The following TYRO3 variants were observed in gnomAD, a reference collection of about 807,000 sequenced individuals.
The protein encoded by TYRO3 is TYRO3 protein tyrosine kinase, also known as tyrosine-protein kinase receptor TYRO3.
A neutral mutation model predicts 95.2 loss-of-function variants in TYRO3; 38 were observed. That is an observed-to-expected ratio of 0.40 (90% confidence interval 0.31 to 0.52). TYRO3 has a LOEUF of 0.52. Ranked by LOEUF, TYRO3 falls within the 20% of genes least tolerant of loss-of-function variation. The pLI is 0.56. For synonymous variants in TYRO3, 367 were observed against 432.9 expected (o/e 0.85, Z 1.89); for missense variants, 812 against 1,116.4 (o/e 0.73, Z 3.89).
rs1447233905 is a variant in TYRO3, at chr15:41,582,026, C to T, written c.*3750C>T. The T allele has an allele frequency of 6.6e-6, 1 of 152,264 alleles. No individual in the cohort carries two copies. The highest frequency in any genetic ancestry group is 1.5e-5 in the Non-Finnish European group (1 of 68,096). 9.4% of individuals were successfully genotyped at this position (152,264 alleles called of 1,614,324 possible). A position where few individuals can be genotyped will look rare whatever the true frequency, so the allele number is the denominator to read the frequency against. The stretch of plus-strand genomic sequence containing the variant: ...CAGAAGCAACCCTTGGGACCTGCCT[C>T]AATCTCTGCCTCCTCCCTACTCCCC... On this transcript the variant is annotated 3_prime_UTR_variant, in exon 19 of 19. Transcript: ENST00000263798.
intron 4 of TYRO3, among the ~76,000 whole-genome samples, chr15:41,563,153 T>C (rs1595499587): frequency 1.3e-5 from 2 of 151,166 alleles, no homozygotes. Context: ...AGAGAAGGGG[T>C]AGGGGGAGGT....
In TYRO3 at chr15:41,579,036, C is replaced by T. The variant is rs189715522; in HGVS notation, c.*760C>T. The T allele has an allele frequency of 6.5e-6, 1 of 152,736 alleles. No homozygotes were observed. Among genetic ancestry groups the T allele is most frequent in the East Asian group, 1.9e-4 (1 of 5,186 alleles). The allele number at this position is 152,736 out of a possible 1,614,324, so 9.5% of individuals were successfully genotyped here. A position where few individuals can be genotyped will look rare whatever the true frequency, so the allele number is the denominator to read the frequency against. On this transcript the variant is annotated 3_prime_UTR_variant, in exon 19 of 19. Coordinates refer to ENST00000263798, the MANE Select transcript of TYRO3 (RefSeq NM_006293.4). Reference sequence around the variant, plus strand: ...GGAGTTCAGGAACCCTTCTCCATACCCACAATCTGAGCACGCTACCAAATC... The same window carrying T: ...GGAGTTCAGGAACCCTTCTCCATACTCACAATCTGAGCACGCTACCAAATC...
In TYRO3 at chr15:41,570,064, A is replaced by T. The variant is rs1296340727; in HGVS notation, c.1290A>T (p.Val430=). ...CTCCTCACAGCCGCACATCCTGGGT[A>T]CCTGTGGTCCTTGGTGTGCTAACGG... ...QGPPHSRTSW[V]PVVLGVLTAL... Residue 430 remains valine (V), a synonymous_variant, in exon 10 of 19, where the codon GTA becomes GTT. Transcript: ENST00000263798. 11 of 1,613,748 alleles carry T rather than the reference A, an allele frequency of 6.8e-6. No individual in the cohort carries two copies. The highest frequency in any genetic ancestry group is 8.5e-6 in the Non-Finnish European group (10 of 1,180,032).
At chr15:41,565,169 G>C (rs748024114) in intron 6 of TYRO3, 28 bp downstream of exon 6, 3 of 1,430,700 alleles carry the variant, frequency 2.1e-6, no homozygotes, top group Admixed American at 1.7e-5. Context: ...GGCCATGCTC[G>C]TTCTGGCTGC....
chr15:41,559,308 G>A lies in TYRO3; in HGVS notation c.51G>A (p.Leu17=), dbSNP rs1413900647. ...GGCCGGGGCTCCCGCCGCTGCCGCT[G>A]CCGCCGCCACCGCGGCTCGGGCTGC... ...MGRPGLPPLP[L]PPPPRLGLLL... The change falls in exon 1 of 19, where the codon CTG becomes CTA. Residue 17 remains leucine (L), a synonymous_variant. Transcript: ENST00000263798. The A allele has an allele frequency of 3.1e-6, 2 of 645,926 alleles. No individual in the cohort carries two copies. The highest frequency in any genetic ancestry group is 8.8e-5 in the East Asian group (2 of 22,770). 40.0% of individuals were successfully genotyped at this position (645,926 alleles called of 1,614,324 possible). A position where few individuals can be genotyped will look rare whatever the true frequency, so the allele number is the denominator to read the frequency against.
Position 41,578,743 on chromosome 15 carries a change from AAG to A in TYRO3, c.*471_*472del, listed in dbSNP as rs1283138720. On this transcript the variant is annotated 3_prime_UTR_variant, in exon 19 of 19. Coordinates refer to ENST00000263798, the MANE Select transcript of TYRO3 (RefSeq NM_006293.4). ...TCCAGGTGTGCCCCTCCAAGTCACA[AAG>A]AGATGTCCTTGTAATATTCCCTTTT... The A allele has an allele frequency of 5.3e-6, 1 of 189,300 alleles. No homozygotes were observed. The highest frequency in any genetic ancestry group is 1.1e-5 in the Non-Finnish European group (1 of 92,736). 11.7% of individuals were successfully genotyped at this position (189,300 alleles called of 1,614,324 possible).
chr15:41,572,692 G>C (rs1181111027), intron 15 of TYRO3, 128 bp downstream of exon 15: 1 of 1,229,718 alleles, frequency 8.1e-7, no homozygotes, highest in Admixed American at 2.5e-5. Flanking sequence ...AGTAGGAGGG[G>C]TCTGAGTTTG....
chr15:41,568,967 AGTT>A lies in TYRO3; in HGVS notation c.1199_1201del (p.Val400del). 6.2e-7 allele frequency: 1 copy of A among 1,614,138 alleles called. No homozygotes were observed. Among genetic ancestry groups the A allele is most frequent in the Non-Finnish European group, 8.5e-7 (1 of 1,180,026 alleles). ...TCGTACGTGTGTGCGTCTCCAATGC[AGTT>A]GGCTGTGGACCCTGGAGTCAGCCAC... On this transcript the variant is annotated inframe_deletion, in exon 9 of 19. Transcript: ENST00000263798.
chr15:41,575,659 C>T (rs891320279), intron 18 of TYRO3, among the ~76,000 whole-genome samples: 1 of 152,160 alleles, frequency 6.6e-6, no homozygotes, highest in Non-Finnish European at 1.5e-5. Flanking sequence ...TTGTCATGGG[C>T]ATAGGCAAGA....
chr15:41,565,157 C>T lies in TYRO3; in HGVS notation c.783+16C>T, dbSNP rs753929704. On this transcript the variant is annotated intron_variant, in intron 6 of 18. Coordinates refer to ENST00000263798, the MANE Select transcript of TYRO3 (RefSeq NM_006293.4). The stretch of plus-strand genomic sequence containing the variant: ...TACAGTTCAGGTAGGCTCTCCGGGC[C>T]GGGCCATGCTCGTTCTGGCTGCATG... 38 of 1,441,272 alleles carry T rather than the reference C, an allele frequency of 2.6e-5. 1 individual carries two copies. The highest frequency in any genetic ancestry group is 2.0e-4 in the South Asian group (18 of 88,328). The allele number at this position is 1,441,272 out of a possible 1,614,324, so 89.3% of individuals were successfully genotyped here.
intron 8 of TYRO3, 145 bp downstream of exon 8, chr15:41,568,507 T>G: frequency 1.3e-6 from 1 of 781,770 alleles, no homozygotes; most frequent in African/African-American, 1.8e-5. Flanking sequence ...CACCCTCCTC[T>G]GCAAGCTCCA....
intron 18 of TYRO3, among the ~76,000 whole-genome samples, chr15:41,574,257 T>C (rs977709338): frequency 6.6e-6 from 1 of 152,136 alleles, no homozygotes; most frequent in Non-Finnish European, 1.5e-5. Context: ...TAGGCTGAGC[T>C]CTCTTGGGAA....
chr15:41,572,344 C>T (rs2055806902), intron 14 of TYRO3, 99 bp from the exon 15 acceptor site: 3 of 1,490,058 alleles, frequency 2.0e-6, no homozygotes, highest in Non-Finnish European at 2.7e-6. Flanking sequence ...ATAGCAGAGC[C>T]AGAGCTAGAG....
chr15:41,572,383 A>G, intron 14 of TYRO3, 60 bp from the exon 15 acceptor site: 1 of 1,549,762 alleles, frequency 6.5e-7, no homozygotes, highest in Non-Finnish European at 8.8e-7. Flanking sequence ...GGACTTATGC[A>G]GACACCTGAA....
Position 41,567,372 on chromosome 15 carries a change from C to G in TYRO3, c.796C>G (p.Pro266Ala), listed in dbSNP as rs146345601. Residue 266 changes from proline to alanine, a missense_variant, in exon 7 of 19, where the codon CCA becomes GCA. Pro to Ala is a conservative substitution (Grantham distance 27). Coordinates refer to ENST00000263798, the MANE Select transcript of TYRO3 (RefSeq NM_006293.4). ...TGCTTTTCTGTAGGTGACACAGGCC[C>G]CAGGAGGCTGGGAAGTCCTGGCTGT... ...QSCTVQVTQA[P>A]GGWEVLAVVV... 13 of 1,569,906 alleles carry G rather than the reference C, an allele frequency of 8.3e-6. No homozygotes were observed. The African/African-American group carries it at 1.6e-4, about 20-fold the overall frequency.
At chr15:41,571,237 C>T (rs1566902341) in intron 13 of TYRO3, 119 bp downstream of exon 13, 3 of 888,120 alleles carry the variant, frequency 3.4e-6, no homozygotes, top group Non-Finnish European at 5.5e-6. Flanking sequence ...GCAGCACTAA[C>T]TGGGATGCTC....
Position 41,567,444 on chromosome 15 carries a change from C to T in TYRO3, c.868C>T (p.Pro290Ser). The change falls in exon 7 of 19, where the codon CCT becomes TCT. Residue 290 changes from proline (P) to serine (S), a missense_variant. Physicochemically the swap from Pro to Ser is moderately conservative, Grantham distance 74 (BLOSUM62 -1). Coordinates refer to ENST00000263798, the MANE Select transcript of TYRO3 (RefSeq NM_006293.4). The part of the protein sequence containing the change: ...PFTCLLRDLV[P>S]ATNYSLRVRC... ...TACCTGCCTGCTCCGGGACCTGGTGCCTGCCACCAACTACAGCCTCAGGGT... is the reference window on the plus strand; with the variant it reads ...TACCTGCCTGCTCCGGGACCTGGTGTCTGCCACCAACTACAGCCTCAGGGT... The T allele has an allele frequency of 6.2e-7, 1 of 1,609,526 alleles. No individual in the cohort carries two copies. Among genetic ancestry groups the T allele is most frequent in the South Asian group, 1.1e-5 (1 of 90,326 alleles).
rs2055927749 is a variant in TYRO3 at position 41,581,921 on chromosome 15, A to G, written c.*3645A>G. 1 of 144,120 alleles carries G rather than the reference A, an allele frequency of 6.9e-6. No individual in the cohort carries two copies. Among genetic ancestry groups the G allele is most frequent in the South Asian group, 2.3e-4 (1 of 4,406 alleles). 8.9% of individuals were successfully genotyped at this position (144,120 alleles called of 1,614,324 possible). Reference sequence around the variant, plus strand: ...TTCTGTCTCAAAAAAAAAAAGAGAGAGACTCTGGATCAAAAAGGATTTTCA... The same window carrying G: ...TTCTGTCTCAAAAAAAAAAAGAGAGGGACTCTGGATCAAAAAGGATTTTCA... On this transcript the variant is annotated 3_prime_UTR_variant, in exon 19 of 19. Coordinates refer to ENST00000263798, the MANE Select transcript of TYRO3 (RefSeq NM_006293.4).
At chr15:41,564,868 CT>C in intron 5 of TYRO3, 157 bp from the exon 6 acceptor site, 2 of 618,446 alleles carry the variant, frequency 3.2e-6, no homozygotes, top group Non-Finnish European at 3.0e-6. Flanking sequence ...CTACTGGTTG[CT>C]TATTTGTGTA....
Sources: gnomAD v4.1 joint callset for allele counts (sites outside exome capture counted in the v4.1 genomes callset) on GRCh38, gnomAD v4.1.1 for gene constraint, MANE v1.5 for transcripts, NCBI Gene and HGNC (gene_info 2026-07-23, HGNC 2026-07-21) for gene names.